The following EHBP1L1 variants were observed in gnomAD, a reference collection of about 807,000 sequenced individuals.
The protein encoded by EHBP1L1 is EH domain binding protein 1 like 1, also known as EH domain-binding protein 1-like protein 1.
In EHBP1L1, 122 loss-of-function variants were observed where a neutral mutation model predicts 151.1. The observed-to-expected ratio is 0.81, with a 90% CI of 0.70 to 0.94. EHBP1L1 has a LOEUF of 0.94. Among genes scored for constraint, EHBP1L1 ranks in the 40% least tolerant of loss-of-function variants. The pLI is 0.00. For missense variants in EHBP1L1, 1,941 were observed against 1,959.8 expected (o/e 0.99, Z 0.18); for synonymous variants, 878 against 810.1 (o/e 1.08, Z -1.42).
intron 9 of EHBP1L1, 135 bp downstream of exon 9, chr11:65,583,900 C>T (rs1348555392): frequency 7.1e-7 from 1 of 1,418,220 alleles, no homozygotes; most frequent in Non-Finnish European, 9.2e-7. Context: ...AAGGAGCCCC[C>T]TCATCCCCTC....
chr11:65,584,531 G>A lies in EHBP1L1; in HGVS notation c.3297G>A (p.Lys1099=), dbSNP rs1247994263. 6.2e-7 allele frequency: 1 copy of A among 1,611,468 alleles called. No homozygotes were observed. Among genetic ancestry groups the A allele is most frequent in the Middle Eastern group, 1.6e-4 (1 of 6,084 alleles). Residue 1099 remains lysine, a synonymous_variant, in exon 11 of 19, where the codon AAG becomes AAA. Transcript: ENST00000309295. ...CACTCAACATCAAGCAGAACAACAA[G>A]CAGGTGAGATGGGGTGGGGGACTGC... ...LDPLNIKQNN[K]QAFDGFAALG... is the part of the protein sequence containing the mutation.
At position 65,581,699 on chromosome 11, in the gene EHBP1L1, G is replaced by T; in HGVS notation, c.1027G>T (p.Ala343Ser). The T allele has an allele frequency of 6.3e-7, 1 of 1,580,416 alleles. No homozygotes were observed. The stretch of plus-strand genomic sequence containing the variant: ...ATTGGGCTCTGCTAGGGAGACCCAG[G>T]CCCAGGCATGCCCTCAGGAAGGGAC... ...AGLGSARETQ[A>S]QACPQEGTEA... The change falls in exon 9 of 19, where the codon GCC (alanine) becomes TCC (serine). Residue 343 changes from alanine to serine, a missense_variant. Transcript: ENST00000309295.
Position 65,581,210 on chromosome 11 carries a change from G to C in EHBP1L1, c.704-1G>C. 6.2e-7 allele frequency: 1 copy of C among 1,609,292 alleles called. No individual in the cohort carries two copies. Among genetic ancestry groups the C allele is most frequent in the Non-Finnish European group, 8.5e-7 (1 of 1,177,822 alleles). On this transcript the variant is annotated splice_acceptor_variant, in intron 7 of 18. Coordinates refer to ENST00000309295, the MANE Select transcript of EHBP1L1 (RefSeq NM_001099409.3). LOFTEE classifies it high-confidence loss of function. ...CACAGTGTCCCCCTCTTTCTTCTCA[G>C]TTGCCAGCCCTTCTAATGCTGAGGA... is the stretch of plus-strand genomic sequence containing the variant.
intron 15 of EHBP1L1, 74 bp downstream of exon 15, chr11:65,590,284 C>G: frequency 6.3e-7 from 1 of 1,583,474 alleles, no homozygotes. Context: ...CTGTTCCTGA[C>G]CTTGGGAGGA....
At position 65,591,996 on chromosome 11, in the gene EHBP1L1, CAGCAGCACCGAG is replaced by C; in HGVS notation, c.4385_4396del (p.His1462_Gln1465del). The C allele has an allele frequency of 6.2e-7, 1 of 1,613,046 alleles. No individual in the cohort carries two copies. Among genetic ancestry groups the C allele is most frequent in the Admixed American group, 1.7e-5 (1 of 60,014 alleles). On this transcript the variant is annotated inframe_deletion, in exon 18 of 19. Transcript: ENST00000309295. ...CTCAGACTGGCAGAAAACGTCCGCT[CAGCAGCACCGAG>C]AGCAGCTCCTACTGGAGGAGCTGGT...
At chr11:65,579,865 G>A in intron 3 of EHBP1L1, 71 bp from the exon 4 acceptor site, 3 of 1,501,738 alleles carry the variant, frequency 2.0e-6, no homozygotes, top group Non-Finnish European at 2.8e-6. Flanking sequence ...AGCACCTCCT[G>A]AGCCAGACAA....
chr11:65,580,519 C>G, intron 6 of EHBP1L1, 40 bp downstream of exon 6: 1 of 1,594,880 alleles, frequency 6.3e-7, no homozygotes, highest in Non-Finnish European at 8.5e-7. Context: ...CTGCCAAGAC[C>G]TGGGGAGGGA....
In EHBP1L1 at chr11:65,583,113, C is replaced by A; in HGVS notation, c.2441C>A (p.Ala814Glu). 6.2e-7 allele frequency: 1 copy of A among 1,613,234 alleles called. No individual in the cohort carries two copies. Among genetic ancestry groups the A allele is most frequent in the Non-Finnish European group, 8.5e-7 (1 of 1,179,758 alleles). The change falls in exon 9 of 19, where the codon GCA (alanine) becomes GAA (glutamate). Residue 814 changes from alanine (A) to glutamate (E), a missense_variant. Transcript: ENST00000309295. The stretch of plus-strand genomic sequence containing the variant: ...GTTCCAGAGATAGCGACTGGGACAG[C>A]AGAAACTGAGATATTGGGGACCCAA... Reference protein sequence around the residue: ...SEVPEIATGTAETEILGTQEI... With the variant: ...SEVPEIATGTEETEILGTQEI...
intron 12 of EHBP1L1, among the ~76,000 whole-genome samples, chr11:65,589,130 C>T (rs1165453012): frequency 3.3e-5 from 5 of 152,170 alleles, no homozygotes; most frequent in Admixed American, 6.5e-5. Context: ...CGAGGCCGGG[C>T]GTGGTGGCTC....
chr11:65,585,473 G>T lies in EHBP1L1; in HGVS notation c.3815G>T (p.Gly1272Val). The T allele has an allele frequency of 4.6e-6, 7 of 1,537,322 alleles. No individual in the cohort carries two copies. Among genetic ancestry groups the T allele is most frequent in the South Asian group, 1.2e-5 (1 of 84,272 alleles). The change falls in exon 12 of 19, where the codon GGC becomes GTC. Residue 1272 changes from glycine (G) to valine (V), a missense_variant. Coordinates refer to ENST00000309295, the MANE Select transcript of EHBP1L1 (RefSeq NM_001099409.3). This position sits in a 1 kb window ranked among gnomAD's most constrained non-coding sequence, Gnocchi z 4.0. ...PGSVPPPRAH[G>V]SFSHVRDADL... The stretch of plus-strand genomic sequence containing the variant: ...TCGGTGCCCCCGCCCCGCGCGCACG[G>T]CTCCTTCTCCCACGTGCGCGACGCG...
chr11:65,592,520 C>A lies in EHBP1L1; in HGVS notation c.*218C>A. 1 of 212,848 alleles carries A rather than the reference C, an allele frequency of 4.7e-6. No individual in the cohort carries two copies. The highest frequency in any genetic ancestry group is 8.8e-6 in the Non-Finnish European group (1 of 114,000). 13.2% of individuals were successfully genotyped at this position (212,848 alleles called of 1,614,324 possible). On this transcript the variant is annotated 3_prime_UTR_variant, in exon 19 of 19. Transcript: ENST00000309295. ...ACCGAGGGTGTGTGCGCGCTCGCGG[C>A]GGGTGCGGGGTCCTCCCCGACGGCA...
rs756869342 is a variant in EHBP1L1, at chr11:65,590,501, A to G, written c.4192A>G (p.Lys1398Glu). The G allele has an allele frequency of 3.1e-6, 5 of 1,613,112 alleles. No individual in the cohort carries two copies. The highest frequency in any genetic ancestry group is 2.7e-5 in the African/African-American group (2 of 74,888). Residue 1398 changes from lysine (K) to glutamate (E), a missense_variant, in exon 16 of 19, where the codon AAG (lysine) becomes GAG (glutamate). By Grantham distance (56) the Lys-to-Glu change is moderately conservative. Coordinates refer to ENST00000309295, the MANE Select transcript of EHBP1L1 (RefSeq NM_001099409.3). ...GTCCCTGTCCAATGCAGGTGCCAAC[A>G]AGCTGCAGGAGGAGGTGCTGATCCA... The part of the protein sequence containing the change: ...LRSLMESGAN[K>E]LQEEVLIQEW...
chr11:65,577,664 C>T (rs969910246), intron 1 of EHBP1L1, among the ~76,000 whole-genome samples: 1 of 152,148 alleles, frequency 6.6e-6, no homozygotes, highest in African/African-American at 2.4e-5. Context: ...CCCAGCCAAG[C>T]CCTGCCCTCC....
In EHBP1L1 at chr11:65,584,360, C is replaced by T. The variant is rs963735395; in HGVS notation, c.3213C>T (p.Ala1071=). The T allele has an allele frequency of 3.7e-6, 6 of 1,610,186 alleles. No individual in the cohort carries two copies. Among genetic ancestry groups the T allele is most frequent in the African/African-American group, 2.7e-5 (2 of 74,818 alleles). The stretch of plus-strand genomic sequence containing the variant: ...CCACATCCTGGCGCAACGGCTTGGC[C>T]TTCTGTGCCATCCTGCACCGATTCT... ...NFTTSWRNGL[A]FCAILHRFYP... The change falls in exon 10 of 19, where the codon GCC becomes GCT. Residue 1071 remains alanine (A), a synonymous_variant. Coordinates refer to ENST00000309295, the MANE Select transcript of EHBP1L1 (RefSeq NM_001099409.3).
chr11:65,579,584 C>A, intron 3 of EHBP1L1, 148 bp downstream of exon 3: 2 of 693,344 alleles, frequency 2.9e-6, no homozygotes, highest in East Asian at 2.8e-5. Flanking sequence ...CTCAGCATCA[C>A]TGGCCCAGGA....
Position 65,584,227 on chromosome 11 carries a change from C to A in EHBP1L1, c.3094-14C>A, listed in dbSNP as rs1430484900. On this transcript the variant is annotated splice_polypyrimidine_tract_variant and intron_variant, in intron 9 of 18. Coordinates refer to ENST00000309295, the MANE Select transcript of EHBP1L1 (RefSeq NM_001099409.3). ...CCATTTATACATTCCCTAAGCCCAC[C>A]CCTGTGTCCTCAGGCACCACCTGCC... The A allele has an allele frequency of 3.1e-6, 5 of 1,603,882 alleles. No homozygotes were observed. The highest frequency in any genetic ancestry group is 4.2e-6 in the Non-Finnish European group (5 of 1,177,010).
At chr11:65,580,610 C>T in intron 6 of EHBP1L1, 131 bp downstream of exon 6, 1 of 1,223,608 alleles carries the variant, frequency 8.2e-7, no homozygotes, top group Non-Finnish European at 1.1e-6. Flanking sequence ...CCAACCAACC[C>T]AGCAGCCTCA....
At chr11:65,583,809 T>C in intron 9 of EHBP1L1, 44 bp downstream of exon 9, 1 of 1,447,510 alleles carries the variant, frequency 6.9e-7, no homozygotes, top group Non-Finnish European at 9.0e-7. Context: ...TGCTTCCCAC[T>C]AACCTGGGGC....
At chr11:65,586,153 CT>C (rs1857957380) in intron 12 of EHBP1L1, among the ~76,000 whole-genome samples, 1 of 152,216 alleles carries the variant, frequency 6.6e-6, no homozygotes. Context: ...CCAGTCTCCT[CT>C]TTTCTTACAA....
Sources: gnomAD v4.1 joint callset for allele counts (sites outside exome capture counted in the v4.1 genomes callset) on GRCh38, gnomAD v4.1.1 for gene constraint, Gnocchi (gnomAD v3.1) non-coding constraint, MANE v1.5 for transcripts, NCBI Gene and HGNC (gene_info 2026-07-23, HGNC 2026-07-21) for gene names.